Variants in KDM4C observed in about 807,000 individuals in gnomAD.
The protein encoded by KDM4C is lysine-specific demethylase 4C.
A neutral mutation model predicts 129.3 loss-of-function variants in KDM4C; 81 were observed. The ratio of observed to expected loss-of-function variants is 0.63; its 90% confidence interval spans 0.52 to 0.75. KDM4C has a LOEUF of 0.75. Among genes scored for constraint, KDM4C ranks in the 30% least tolerant of loss-of-function variants. The pLI is 0.00. For synonymous variants in KDM4C, 573 were observed against 456.1 expected (o/e 1.26, Z -3.26); for missense variants, 1,457 against 1,304.0 (o/e 1.12, Z -1.81).
At chr9:6,771,874 A>G (rs1024018152) in intron 1 of KDM4C, among the ~76,000 whole-genome samples, 4 of 152,120 alleles carry the variant, frequency 2.6e-5, no homozygotes, top group Non-Finnish European at 5.9e-5. Context: ...CAGGAAGCCA[A>G]AGCAGGCCCA....
chr9:6,865,250 C>A (rs185471123), intron 5 of KDM4C, among the ~76,000 whole-genome samples: 1 of 152,056 alleles, frequency 6.6e-6, no homozygotes, highest in Non-Finnish European at 1.5e-5. Flanking sequence ...CCTCGTGATC[C>A]GACCGCCTTG....
chr9:6,725,183 C>T (rs1282217922), intron 1 of KDM4C, among the ~76,000 whole-genome samples: 1 of 152,092 alleles, frequency 6.6e-6, no homozygotes, highest in Non-Finnish European at 1.5e-5. Context: ...GAGATCGAGG[C>T]CGAGGCCACT....
chr9:7,061,217 G>A (rs1831617308), intron 17 of KDM4C, among the ~76,000 whole-genome samples: 1 of 152,178 alleles, frequency 6.6e-6, no homozygotes, highest in Non-Finnish European at 1.5e-5. Context: ...ATAGGTAATT[G>A]AGGGTTTATG....
chr9:7,060,398 G>T (rs1398808369), intron 17 of KDM4C, among the ~76,000 whole-genome samples: 1 of 150,494 alleles, frequency 6.6e-6, no homozygotes, highest in Non-Finnish European at 1.5e-5. Context: ...GTAGCTCCTA[G>T]GATAGTAGTG....
At chr9:7,048,659 A>G (rs1829744708) in intron 16 of KDM4C, among the ~76,000 whole-genome samples, 1 of 152,070 alleles carries the variant, frequency 6.6e-6, no homozygotes, top group South Asian at 2.1e-4. Flanking sequence ...GCTTCATGAC[A>G]TTTGTATTAT....
intron 15 of KDM4C, among the ~76,000 whole-genome samples, chr9:7,020,830 T>C (rs1019694191): frequency 3.9e-5 from 6 of 152,280 alleles, no homozygotes; most frequent in Non-Finnish European, 5.9e-5. Flanking sequence ...GTTATACTCA[T>C]TGCGTTACTT....
intron 1 of KDM4C, among the ~76,000 whole-genome samples, chr9:6,792,001 A>G (rs1031669302): frequency 3.9e-5 from 6 of 152,084 alleles, no homozygotes; most frequent in African/African-American, 1.4e-4. Context: ...CAGCCTGGGC[A>G]ACAGGAGTAA....
intron 17 of KDM4C, among the ~76,000 whole-genome samples, chr9:7,055,719 C>T (rs1158067809): frequency 2.0e-5 from 3 of 152,168 alleles, no homozygotes; most frequent in Non-Finnish European, 4.4e-5. Flanking sequence ...GGCGCATGTT[C>T]TCTTGCCAAC....
intron 17 of KDM4C, among the ~76,000 whole-genome samples, chr9:7,089,177 T>C (rs1835496673): frequency 2.0e-5 from 3 of 152,214 alleles, no homozygotes; most frequent in Non-Finnish European, 4.4e-5. Flanking sequence ...ATTTACCATG[T>C]TTTAATGTAT....
chr9:6,987,637 A>G (rs1472104540), intron 11 of KDM4C, among the ~76,000 whole-genome samples: 1 of 152,202 alleles, frequency 6.6e-6, no homozygotes, highest in Non-Finnish European at 1.5e-5. Context: ...GAGGTTGTAT[A>G]AGGACAGCAG....
Position 6,997,099 on chromosome 9 carries a change from T to G in KDM4C, c.1786+6575T>G, listed in dbSNP as rs818891. 4.6e-5 allele frequency among the ~76,000 whole-genome samples: 7 copies of G among 152,162 alleles called. No individual in the cohort carries two copies. In the East Asian group the frequency reaches 1.2e-3, roughly 25 times the overall value. On this transcript the variant is annotated intron_variant, in intron 12 of 21. Transcript: ENST00000381309. Reference sequence around the variant, plus strand: ...GGTGCCTGCGTTTACAAAGTAGTGATGGTAGCAGCACCTGCCGCATGGAGG... The same window carrying G: ...GGTGCCTGCGTTTACAAAGTAGTGAGGGTAGCAGCACCTGCCGCATGGAGG...
chr9:6,831,321 A>G (rs1416968364), intron 4 of KDM4C, among the ~76,000 whole-genome samples: 1 of 151,958 alleles, frequency 6.6e-6, no homozygotes, highest in African/African-American at 2.4e-5. Context: ...TTATAGACCC[A>G]TACTCCTCCC....
At chr9:7,150,719 G>A (rs1842653094) in intron 19 of KDM4C, among the ~76,000 whole-genome samples, 1 of 152,072 alleles carries the variant, frequency 6.6e-6, no homozygotes, top group Non-Finnish European at 1.5e-5. Flanking sequence ...ACCCCGCAGT[G>A]TCAACCCTGT....
intron 17 of KDM4C, among the ~76,000 whole-genome samples, chr9:7,050,406 TC>T (rs1309138443): frequency 2.3e-5 from 3 of 129,942 alleles, no homozygotes; most frequent in African/African-American, 8.9e-5. Context: ...CTCCTGGACT[TC>T]CATAGGAAAG....
In KDM4C at chr9:7,011,945, A is replaced by G. The variant is rs1024093457; in HGVS notation, c.1968+66A>G. The G allele has an allele frequency of 3.0e-6, 4 of 1,339,434 alleles. No homozygotes were observed. In the African/African-American group the frequency reaches 5.8e-5, roughly 19 times the overall value. The allele number at this position is 1,339,434 out of a possible 1,614,324, so 83.0% of individuals were successfully genotyped here. On this transcript the variant is annotated intron_variant, in intron 13 of 21. Transcript: ENST00000381309. ...CTTCCATGTGACCACATACCACAAG[A>G]TCACTGTAAATTGTTGTGGGCTTCC... is the stretch of plus-strand genomic sequence containing the variant.
At chr9:6,825,030 C>T (rs1475097402) in intron 4 of KDM4C, among the ~76,000 whole-genome samples, 1 of 151,492 alleles carries the variant, frequency 6.6e-6, no homozygotes, top group Non-Finnish European at 1.5e-5. Flanking sequence ...CCTGTAGTCC[C>T]AGCTACCCGA....
intron 8 of KDM4C, among the ~76,000 whole-genome samples, chr9:6,940,033 CTTTCCT>C (rs1563850238): frequency 1.7e-4 from 21 of 125,804 alleles, no homozygotes; most frequent in African/African-American, 6.5e-4. Flanking sequence ...TTCCTTCCTT[CTTTCCT>C]TCCTTCCCTC....
At chr9:7,022,360 A>T (rs200090218) in intron 15 of KDM4C, among the ~76,000 whole-genome samples, 1 of 151,768 alleles carries the variant, frequency 6.6e-6, no homozygotes, top group Admixed American at 6.6e-5. Flanking sequence ...CATTGTAGAG[A>T]TCTTTCACTT....
intron 15 of KDM4C, among the ~76,000 whole-genome samples, chr9:7,020,390 G>A (rs1175019): frequency 0.99 from 151,298 of 152,336 alleles, 75,143 homozygotes; most frequent in Middle Eastern, 1. Context: ...AAATAAATAG[G>A]CACAACTATC....
Sources: gnomAD v4.1 joint callset for allele counts (sites outside exome capture counted in the v4.1 genomes callset) on GRCh38, gnomAD v4.1.1 for gene constraint, MANE v1.5 for transcripts, NCBI Gene and HGNC (gene_info 2026-07-23, HGNC 2026-07-21) for gene names.